AP1B1: variants seen among roughly 807,000 people sequenced by gnomAD.
The protein encoded by AP1B1 is AP-1 complex subunit beta-1.
A neutral mutation model predicts 104.3 loss-of-function variants in AP1B1; 36 were observed. That is an observed-to-expected ratio of 0.35 (90% confidence interval 0.26 to 0.46). AP1B1 has a LOEUF of 0.46. Among genes scored for constraint, AP1B1 ranks in the 20% least tolerant of loss-of-function variants. The pLI is 1.00. For synonymous variants in AP1B1, 504 were observed against 517.5 expected, an observed-to-expected ratio of 0.97 and a Z score of 0.35; for missense variants, 901 against 1,247.9, an observed-to-expected ratio of 0.72 and a Z score of 4.19.
At chr22:29,349,442 A>C in intron 10 of AP1B1, 59 bp from the exon 11 acceptor site, 1 of 1,588,592 alleles carries the variant, frequency 6.3e-7, no homozygotes, top group Non-Finnish European at 8.6e-7. Flanking sequence ...AAACCCAGGG[A>C]AGCCAGACAG....
rs370848622 is a variant in AP1B1, at chr22:29,358,720, G to T, written c.525+6C>A. On this transcript the variant is annotated splice_donor_region_variant and intron_variant, in intron 5 of 22. Transcript: ENST00000357586. ...GGAGGTAGCACGGTGGGTGGCAGTGGCTTACCATGGGGTTAGAGTCGGAGA... is the reference window on the plus strand; with the variant it reads ...GGAGGTAGCACGGTGGGTGGCAGTGTCTTACCATGGGGTTAGAGTCGGAGA... 5.0e-6 allele frequency: 8 copies of T among 1,607,090 alleles called. No homozygotes were observed. Among genetic ancestry groups the T allele is most frequent in the Non-Finnish European group, 6.8e-6 (8 of 1,174,300 alleles).
intron 9 of AP1B1, among the ~76,000 whole-genome samples, chr22:29,350,830 C>G (rs1177336531): frequency 6.6e-6 from 1 of 152,182 alleles, no homozygotes; most frequent in Non-Finnish European, 1.5e-5. Flanking sequence ...CAATATTTGC[C>G]AAGAAGTGTT....
At chr22:29,343,953 A>G (rs2061750541) in intron 11 of AP1B1, among the ~76,000 whole-genome samples, 1 of 151,960 alleles carries the variant, frequency 6.6e-6, no homozygotes, top group African/African-American at 2.4e-5. Context: ...TTTACTAAAA[A>G]TACAAAAATT....
intron 7 of AP1B1, among the ~76,000 whole-genome samples, chr22:29,353,374 G>T (rs2061906688): frequency 6.6e-6 from 1 of 152,156 alleles, no homozygotes; most frequent in African/African-American, 2.4e-5. Flanking sequence ...CTTGGCAAAA[G>T]CTGCCCAGCC....
intron 1 of AP1B1, among the ~76,000 whole-genome samples, chr22:29,374,455 T>C (rs2062300107): frequency 6.6e-6 from 1 of 152,310 alleles, no homozygotes; most frequent in Admixed American, 6.5e-5. Flanking sequence ...TATTTTCCTA[T>C]ATAAAAAGTG....
intron 13 of AP1B1, among the ~76,000 whole-genome samples, 171 bp from the exon 14 acceptor site, chr22:29,341,028 G>A (rs374601460): frequency 5.9e-5 from 9 of 152,206 alleles, no homozygotes; most frequent in African/African-American, 2.2e-4. Context: ...CCCACAGCAG[G>A]TCCATCTTTC....
At chr22:29,347,761 A>T (rs2061814583) in intron 11 of AP1B1, among the ~76,000 whole-genome samples, 1 of 152,254 alleles carries the variant, frequency 6.6e-6, no homozygotes. Flanking sequence ...CATCTGAGAT[A>T]GGAGTCTAAA....
In AP1B1 at chr22:29,359,824, C is replaced by T; in HGVS notation, c.279G>A (p.Lys93=). Reference sequence around the variant, plus strand: ...CCACGCCCACCAAGCGTCTGCTCACCTTCACAAAGGTGTTGACGGCCATAA... The same window carrying T: ...CCACGCCCACCAAGCGTCTGCTCACTTTCACAAAGGTGTTGACGGCCATAA... ...MAIMAVNTFV[K]DCEDPNPLIR... Residue 93 remains lysine (K), a splice_region_variant and synonymous_variant, in exon 4 of 23, where the codon AAG becomes AAA. Transcript: ENST00000357586. 1 of 1,612,730 alleles carries T rather than the reference C, an allele frequency of 6.2e-7. No individual in the cohort carries two copies. The highest frequency in any genetic ancestry group is 1.7e-4 in the Middle Eastern group (1 of 6,058).
At chr22:29,341,174 A>G (rs2061709186) in intron 13 of AP1B1, among the ~76,000 whole-genome samples, 1 of 152,208 alleles carries the variant, frequency 6.6e-6, no homozygotes, top group African/African-American at 2.4e-5. Flanking sequence ...ACAACAGAGG[A>G]GGAGGCGCAG....
chr22:29,328,712 G>A lies in AP1B1; in HGVS notation c.*109C>T. 1 of 1,374,362 alleles carries A rather than the reference G, an allele frequency of 7.3e-7. No homozygotes were observed. Among genetic ancestry groups the A allele is most frequent in the Middle Eastern group, 2.6e-4 (1 of 3,906 alleles). The allele number at this position is 1,374,362 out of a possible 1,614,324, so 85.1% of individuals were successfully genotyped here. A position where few individuals can be genotyped will look rare whatever the true frequency, so the allele number is the denominator to read the frequency against. ...CCATCAGGACCAGGGAGCCCACTGA[G>A]TGGCCTGGAGCCCCGCCTGGTCCCT... On this transcript the variant is annotated 3_prime_UTR_variant, in exon 23 of 23. Transcript: ENST00000357586. This position sits in a 1 kb window ranked among gnomAD's most constrained non-coding sequence, Gnocchi z 4.1.
chr22:29,331,980 C>G, intron 17 of AP1B1, 64 bp from the exon 18 acceptor site: 1 of 1,489,288 alleles, frequency 6.7e-7, no homozygotes, highest in Non-Finnish European at 9.0e-7. Context: ...GACAGGTGAG[C>G]TCCTCCGACT....
chr22:29,334,856 T>A (rs1430799164), intron 16 of AP1B1, among the ~76,000 whole-genome samples: 1 of 152,214 alleles, frequency 6.6e-6, no homozygotes, highest in Non-Finnish European at 1.5e-5. Flanking sequence ...CATCACCGCC[T>A]GTCCTCCCTT....
At chr22:29,379,638 C>T (rs755711701) in intron 1 of AP1B1, among the ~76,000 whole-genome samples, 5 of 152,214 alleles carry the variant, frequency 3.3e-5, no homozygotes, top group South Asian at 4.2e-4. Context: ...TGCAGGGGAA[C>T]GGCAGAGTGA....
At position 29,350,061 on chromosome 22, in the gene AP1B1, C is replaced by A; in HGVS notation, c.1245G>T (p.Lys415Asn). 6.2e-7 allele frequency: 1 copy of A among 1,614,190 alleles called. No individual in the cohort carries two copies. Among genetic ancestry groups the A allele is most frequent in the East Asian group, 2.2e-5 (1 of 44,876 alleles). ...TGTTGGGGTACTTGCGGAAGATGTC[C>A]TTGATGACCACGATGGCCTCCTGGA... ...YVVQEAIVVI[K>N]DIFRKYPNKY... The change falls in exon 10 of 23, where the codon AAG becomes AAT. Residue 415 changes from lysine to asparagine, a missense_variant. This residue lies in a region of AP1B1 where 471 missense variants were observed against 696.7 expected (regional missense o/e 0.68). Transcript: ENST00000357586.
intron 11 of AP1B1, among the ~76,000 whole-genome samples, chr22:29,348,192 T>G (rs906478322): frequency 6.6e-6 from 1 of 152,262 alleles, no homozygotes; most frequent in Admixed American, 6.5e-5. Context: ...TCAAGACTCA[T>G]GGTGCCTTTG....
At chr22:29,334,956 G>A (rs1210088834) in intron 16 of AP1B1, among the ~76,000 whole-genome samples, 1 of 152,210 alleles carries the variant, frequency 6.6e-6, no homozygotes, top group East Asian at 1.9e-4. Context: ...GCCTTCTGCT[G>A]CTTGGCTGCC....
intron 16 of AP1B1, among the ~76,000 whole-genome samples, 196 bp downstream of exon 16, chr22:29,338,794 G>A (rs771601546): frequency 1.3e-5 from 2 of 152,114 alleles, no homozygotes; most frequent in African/African-American, 4.8e-5. Flanking sequence ...GAGGTCCTGC[G>A]ACTCCTCTGG....
intron 13 of AP1B1, among the ~76,000 whole-genome samples, 190 bp from the exon 14 acceptor site, chr22:29,341,047 C>T (rs1033612316): frequency 6.6e-6 from 1 of 152,214 alleles, no homozygotes; most frequent in Non-Finnish European, 1.5e-5. Flanking sequence ...TCAGGTCCTC[C>T]GTGAGGATGA....
chr22:29,368,353 A>G (rs1386669927), intron 1 of AP1B1, among the ~76,000 whole-genome samples: 1 of 152,154 alleles, frequency 6.6e-6, no homozygotes, highest in African/African-American at 2.4e-5. Flanking sequence ...CATTCATTTA[A>G]CAAAAATCAT....
Sources: allele counts gnomAD v4.1 joint callset (sites outside exome capture counted in the v4.1 genomes callset), GRCh38; gene constraint gnomAD v4.1.1; regional missense constraint gnomAD v4.1.1; non-coding constraint Gnocchi (gnomAD v3.1); transcripts MANE v1.5; gene names NCBI Gene and HGNC (gene_info 2026-07-23, HGNC 2026-07-21).